The following TARBP2 variants were observed in gnomAD, a reference collection of about 807,000 sequenced individuals.
TARBP2 encodes TARBP2 subunit of RISC loading complex, also known as RISC-loading complex subunit TARBP2.
A neutral mutation model predicts 40.4 loss-of-function variants in TARBP2; 23 were observed. The observed-to-expected ratio is 0.57, with a 90% CI of 0.41 to 0.81. The LOEUF (loss-of-function observed/expected upper bound fraction) is 0.81. Among genes scored for constraint, TARBP2 ranks in the 30% least tolerant of loss-of-function variants. The pLI is 0.00. For synonymous variants in TARBP2, 183 were observed against 190.5 expected (o/e 0.96, Z 0.32); for missense variants, 358 against 473.7 (o/e 0.76, Z 2.27).
In TARBP2 at chr12:53,504,740, G is replaced by A; in HGVS notation, c.538G>A (p.Val180Met). The A allele has an allele frequency of 6.2e-7, 1 of 1,614,168 alleles. No homozygotes were observed. The highest frequency in any genetic ancestry group is 8.5e-7 in the Non-Finnish European group (1 of 1,180,036). ...AGGCTGGCGGTTGCCGGAGTACACAGTGACCCAGGAGTCTGGGCCAGCCCA... is the reference window on the plus strand; with the variant it reads ...AGGCTGGCGGTTGCCGGAGTACACAATGACCCAGGAGTCTGGGCCAGCCCA... Reference protein sequence around the residue: ...QKGWRLPEYTVTQESGPAHRK... With the variant: ...QKGWRLPEYTMTQESGPAHRK... The change falls in exon 6 of 9, where the codon GTG (valine) becomes ATG (methionine). Residue 180 changes from valine to methionine, a missense_variant. Val to Met is a conservative substitution (Grantham distance 21). Coordinates refer to ENST00000266987, the MANE Select transcript of TARBP2 (RefSeq NM_134323.2).
rs765359372 is a variant in TARBP2 at position 53,505,759 on chromosome 12, G to C, written c.852G>C (p.Leu284=). ...TCCTGTCCCTCCGCAGTTGCTCCCT[G>C]GGCTCCCTGGGTGCCCTGGGCCCTG... is the stretch of plus-strand genomic sequence containing the variant. ...EKILSLRSCS[L]GSLGALGPAC... Residue 284 remains leucine (L), a synonymous_variant, in exon 8 of 9, where the codon CTG becomes CTC. Coordinates refer to ENST00000266987, the MANE Select transcript of TARBP2 (RefSeq NM_134323.2). This position sits in a 1 kb window ranked among gnomAD's most constrained non-coding sequence, Gnocchi z 4.5. 7 of 1,613,800 alleles carry C rather than the reference G, an allele frequency of 4.3e-6. 1 individual carries two copies. The Admixed American group carries it at 5.0e-5, about 12-fold the overall frequency.
chr12:53,501,972 C>T (rs1187472348), intron 1 of TARBP2, 43 bp from the exon 2 acceptor site: 2 of 1,609,380 alleles, frequency 1.2e-6, no homozygotes, highest in African/African-American at 2.7e-5. Context: ...TAGGTGGGTG[C>T]AGAGAGGGGA....
chr12:53,501,215 TGTG>T, upstream of TARBP2: 1 of 623,230 alleles, frequency 1.6e-6, no homozygotes, highest in South Asian at 2.0e-5. Context: ...CGCAGAGGGT[TGTG>T]GGGCGGATAG....
chr12:53,503,305 T>C (rs897218777), intron 3 of TARBP2, 176 bp downstream of exon 3: 3 of 1,377,392 alleles, frequency 2.2e-6, no homozygotes, highest in South Asian at 1.7e-5. Context: ...TGAAGAATTC[T>C]TGGGGTGGAG....
Position 53,506,119 on chromosome 12 carries a change from T to C in TARBP2, c.1072T>C (p.Tyr358His), listed in dbSNP as rs1480566806. 6.2e-7 allele frequency: 1 copy of C among 1,613,952 alleles called. No homozygotes were observed. Among genetic ancestry groups the C allele is most frequent in the Admixed American group, 1.7e-5 (1 of 60,022 alleles). Residue 358 changes from tyrosine (Y) to histidine (H), a missense_variant, in exon 9 of 9, where the codon TAC (tyrosine) becomes CAC (histidine). Coordinates refer to ENST00000266987, the MANE Select transcript of TARBP2 (RefSeq NM_134323.2). ...RGEAARRALQ[Y>H]LKIMAGSK ...TGAGGCTGCCCGCCGTGCCCTGCAG[T>C]ACCTCAAGATCATGGCAGGCAGCAA...
chr12:53,501,353 T>A lies in TARBP2; in HGVS notation c.-56T>A. The A allele has an allele frequency of 1.3e-6, 2 of 1,543,206 alleles. No homozygotes were observed. The highest frequency in any genetic ancestry group is 1.8e-6 in the Non-Finnish European group (2 of 1,140,990). ...CCCCGGCCCTAGCTCGTCGGCTGTGTATTGGGGCGCGTGGAGGCTGCAGTC... is the reference window on the plus strand; with the variant it reads ...CCCCGGCCCTAGCTCGTCGGCTGTGAATTGGGGCGCGTGGAGGCTGCAGTC... On this transcript the variant is annotated 5_prime_UTR_variant, in exon 1 of 9. Transcript: ENST00000266987.
rs528190035 is a variant in TARBP2 at position 53,505,957 on chromosome 12, C to T, written c.944-34C>T. The T allele has an allele frequency of 1.9e-6, 3 of 1,607,264 alleles. No individual in the cohort carries two copies. The South Asian group carries it at 3.3e-5, about 18-fold the overall frequency. On this transcript the variant is annotated intron_variant, in intron 8 of 8. Coordinates refer to ENST00000266987, the MANE Select transcript of TARBP2 (RefSeq NM_134323.2). This position sits in a 1 kb window ranked among gnomAD's most constrained non-coding sequence, Gnocchi z 4.5. Reference sequence around the variant, plus strand: ...CACCCCTCCCCAGGGCTACCTCCCCCAACATTGCCTCCCTCCTCTCTCTTG... The same window carrying T: ...CACCCCTCCCCAGGGCTACCTCCCCTAACATTGCCTCCCTCCTCTCTCTTG...
Position 53,505,510 on chromosome 12 carries a change from G to A in TARBP2, c.742-139G>A. On this transcript the variant is annotated intron_variant, in intron 7 of 8. Coordinates refer to ENST00000266987, the MANE Select transcript of TARBP2 (RefSeq NM_134323.2). This position sits in a 1 kb window ranked among gnomAD's most constrained non-coding sequence, Gnocchi z 4.5. ...GGCCCAGGGCCTGGTAGTTAGAAGGGGCCACCCAGGGATTGACTGGGGGGA... is the reference window on the plus strand; with the variant it reads ...GGCCCAGGGCCTGGTAGTTAGAAGGAGCCACCCAGGGATTGACTGGGGGGA... 1 of 1,077,172 alleles carries A rather than the reference G, an allele frequency of 9.3e-7. No homozygotes were observed. 66.7% of individuals were successfully genotyped at this position (1,077,172 alleles called of 1,614,324 possible).
At chr12:53,503,576 G>A (rs969124428) in intron 3 of TARBP2, 137 bp from the exon 4 acceptor site, 3 of 664,334 alleles carry the variant, frequency 4.5e-6, no homozygotes, top group Non-Finnish European at 8.0e-6. Context: ...GGAAGCTGTT[G>A]GTTGAGCCTC....
Position 53,505,984 on chromosome 12 carries a change from T to C in TARBP2, c.944-7T>C. On this transcript the variant is annotated splice_polypyrimidine_tract_variant and splice_region_variant and intron_variant, in intron 8 of 8. Coordinates refer to ENST00000266987, the MANE Select transcript of TARBP2 (RefSeq NM_134323.2). This position sits in a 1 kb window ranked among gnomAD's most constrained non-coding sequence, Gnocchi z 4.5. ...ACATTGCCTCCCTCCTCTCTCTTGCTCTCCAGAGGAGCTGAGCCTGAGTGG... is the reference window on the plus strand; with the variant it reads ...ACATTGCCTCCCTCCTCTCTCTTGCCCTCCAGAGGAGCTGAGCCTGAGTGG... The C allele has an allele frequency of 6.2e-7, 1 of 1,612,954 alleles. No individual in the cohort carries two copies.
chr12:53,501,559 T>A, intron 1 of TARBP2, 98 bp downstream of exon 1: 1 of 1,524,642 alleles, frequency 6.6e-7, no homozygotes, highest in Middle Eastern at 1.7e-4. Flanking sequence ...CTGAGGGTTG[T>A]TCCCGGCAAG....
In TARBP2 at chr12:53,505,611, C is replaced by T; in HGVS notation, c.742-38C>T. The T allele has an allele frequency of 6.3e-7, 1 of 1,586,186 alleles. No homozygotes were observed. The highest frequency in any genetic ancestry group is 8.7e-7 in the Non-Finnish European group (1 of 1,155,184). On this transcript the variant is annotated intron_variant, in intron 7 of 8. Transcript: ENST00000266987. The surrounding 1 kb of genome is among the most constrained non-coding windows in gnomAD (Gnocchi z 4.5). ...TGTCTCAATGCCTGGGTCCCACAGT[C>T]TCTCGCTTCATCTTTCTCACTGTTC...
Position 53,505,361 on chromosome 12 carries a change from G to GC in TARBP2, c.741+102dup. On this transcript the variant is annotated intron_variant, in intron 7 of 8. Transcript: ENST00000266987. The surrounding 1 kb of genome is among the most constrained non-coding windows in gnomAD (Gnocchi z 4.5). ...GTGACTCAGCAGTGAGCCTCTCTGG[G>GC]CCCTAGGTCTGCTTCTGCCACAGTT... The GC allele has an allele frequency of 2.0e-6, 3 of 1,487,174 alleles. No individual in the cohort carries two copies. The highest frequency in any genetic ancestry group is 2.7e-6 in the Non-Finnish European group (3 of 1,114,890). The allele number at this position is 1,487,174 out of a possible 1,614,324, so 92.1% of individuals were successfully genotyped here. A position where few individuals can be genotyped will look rare whatever the true frequency, so the allele number is the denominator to read the frequency against.
chr12:53,501,392 C>A lies in TARBP2; in HGVS notation c.-17C>A. 1 of 1,558,650 alleles carries A rather than the reference C, an allele frequency of 6.4e-7. No individual in the cohort carries two copies. On this transcript the variant is annotated 5_prime_UTR_variant, in exon 1 of 9. Coordinates refer to ENST00000266987, the MANE Select transcript of TARBP2 (RefSeq NM_134323.2). ...GAGGCTGCAGTCACGGTGGCGCCCGCGGGGACGGAGGAGGGAATGAGTGAA... is the reference window on the plus strand; with the variant it reads ...GAGGCTGCAGTCACGGTGGCGCCCGAGGGGACGGAGGAGGGAATGAGTGAA...
Position 53,503,277 on chromosome 12 carries a change from C to T in TARBP2, c.326+148C>T, listed in dbSNP as rs944045476. On this transcript the variant is annotated intron_variant, in intron 3 of 8. Transcript: ENST00000266987. ...TCCCTCTGGACCTGAACAGGGTTTT[C>T]CAGGGCTTCTGCTGCTATGAAGAAT... 4.3e-6 allele frequency: 6 copies of T among 1,396,614 alleles called. No homozygotes were observed. In the African/African-American group the frequency reaches 8.8e-5, roughly 20 times the overall value. 86.5% of individuals were successfully genotyped at this position (1,396,614 alleles called of 1,614,324 possible).
At chr12:53,503,521 T>C in intron 3 of TARBP2, 192 bp from the exon 4 acceptor site, 1 of 595,544 alleles carries the variant, frequency 1.7e-6, no homozygotes, top group Non-Finnish European at 3.0e-6. Context: ...GAGACTCTCT[T>C]TTCTCAGTCT....
Position 53,501,290 on chromosome 12 carries a change from C to T in TARBP2, c.-119C>T. ...CGGGGGACTCCATATCCCAGCGTGC[C>T]CCGCGGCGGGCCCTACCGGCCGCGA... On this transcript the variant is annotated 5_prime_UTR_variant, in exon 1 of 9. Coordinates refer to ENST00000266987, the MANE Select transcript of TARBP2 (RefSeq NM_134323.2). 2 of 1,125,992 alleles carry T rather than the reference C, an allele frequency of 1.8e-6. No homozygotes were observed. Among genetic ancestry groups the T allele is most frequent in the East Asian group, 2.6e-5 (1 of 38,644 alleles). 69.8% of individuals were successfully genotyped at this position (1,125,992 alleles called of 1,614,324 possible).
chr12:53,502,211 G>T (rs762691385), intron 2 of TARBP2, 27 bp downstream of exon 2: 1 of 1,612,944 alleles, frequency 6.2e-7, no homozygotes, highest in Non-Finnish European at 8.5e-7. Context: ...CAGCCTGGCT[G>T]GGGTGTGCAT....
chr12:53,504,398 A>G lies in TARBP2; in HGVS notation c.424A>G (p.Ser142Gly), dbSNP rs1156673068. ...TTGGCCCTGTGCCTTTTCCTTCAGG[A>G]GCCCCCCCATGGAACTGCAGCCCCC... ...TPVPSVVLTR[S>G]PPMELQPPVS... Residue 142 changes from serine to glycine, a missense_variant and splice_region_variant, in exon 5 of 9, where the codon AGC (serine) becomes GGC (glycine). Physicochemically the swap from Ser to Gly is moderately conservative, Grantham distance 56 (BLOSUM62 0). Coordinates refer to ENST00000266987, the MANE Select transcript of TARBP2 (RefSeq NM_134323.2). 2 of 1,553,918 alleles carry G rather than the reference A, an allele frequency of 1.3e-6. No homozygotes were observed. The highest frequency in any genetic ancestry group is 2.5e-5 in the South Asian group (2 of 79,720).
Sources: gnomAD v4.1 joint callset for allele counts on GRCh38, gnomAD v4.1.1 for gene constraint, Gnocchi (gnomAD v3.1) non-coding constraint, MANE v1.5 for transcripts, NCBI Gene and HGNC (gene_info 2026-07-23, HGNC 2026-07-21) for gene names.